NCDN: variants seen among roughly 807,000 people sequenced by gnomAD.
NCDN encodes the protein norbin.
NCDN carries 9 observed loss-of-function variants against 60.7 expected under a neutral mutation model. The observed-to-expected ratio is 0.15, with a 90% CI of 0.09 to 0.26. The LOEUF is 0.26. Among genes scored for constraint, NCDN ranks in the 10% least tolerant of loss-of-function variants. NCDN has a pLI of 1.00. For missense variants in NCDN, 578 were observed against 975.2 expected, an observed-to-expected ratio of 0.59 and a Z score of 5.42; for synonymous variants, 409 against 442.5, an observed-to-expected ratio of 0.92 and a Z score of 0.95.
chr1:35,558,461 C>A lies in NCDN; in HGVS notation c.33+238C>A. On this transcript the variant is annotated intron_variant, in intron 1 of 6. Coordinates refer to ENST00000373243, the MANE Select transcript of NCDN (RefSeq NM_014284.3). The surrounding 1 kb of genome is among the most constrained non-coding windows in gnomAD (Gnocchi z 6.3). ...GCTGCTGCTGCTGCTGCAGCCTCTA[C>A]CCGAGGGAGGGAAAGGAGAGGAGGC... is the stretch of plus-strand genomic sequence containing the variant. 2 of 1,426,200 alleles carry A rather than the reference C, an allele frequency of 1.4e-6. No homozygotes were observed. Among genetic ancestry groups the A allele is most frequent in the African/African-American group, 1.4e-5 (1 of 69,386 alleles). 88.3% of individuals were successfully genotyped at this position (1,426,200 alleles called of 1,614,324 possible).
Position 35,563,477 on chromosome 1 carries a change from C to T in NCDN, c.1610+51C>T. 1 of 1,575,596 alleles carries T rather than the reference C, an allele frequency of 6.3e-7. No homozygotes were observed. Among genetic ancestry groups the T allele is most frequent in the Non-Finnish European group, 8.7e-7 (1 of 1,150,798 alleles). ...AGGAGGCCGGAGGAGGCAAAGGAGG[C>T]TGCCCAGTTGCCTCAATTCTCAGTC... On this transcript the variant is annotated intron_variant, in intron 5 of 6. Coordinates refer to ENST00000373243, the MANE Select transcript of NCDN (RefSeq NM_014284.3). This position sits in a 1 kb window ranked among gnomAD's most constrained non-coding sequence, Gnocchi z 6.6.
chr1:35,559,284 C>G (rs1278242827), intron 2 of NCDN, 37 bp downstream of exon 2: 3 of 1,612,908 alleles, frequency 1.9e-6, no homozygotes, highest in Admixed American at 1.7e-5. Context: ...GTGGGAAGGG[C>G]TGGGTGGTTG....
At chr1:35,559,057 C>T in intron 1 of NCDN, 50 bp from the exon 2 acceptor site, 1 of 1,387,890 alleles carries the variant, frequency 7.2e-7, no homozygotes, top group Non-Finnish European at 9.9e-7. Context: ...CCCCACCCCA[C>T]CCCCGTCCCT....
In NCDN at chr1:35,560,590, G is replaced by A; in HGVS notation, c.439G>A (p.Ala147Thr). 6.2e-7 allele frequency: 1 copy of A among 1,613,208 alleles called. No individual in the cohort carries two copies. Among genetic ancestry groups the A allele is most frequent in the East Asian group, 2.2e-5 (1 of 44,878 alleles). ...LTARGDPDDA[A>T]RRSMIDDTYQ... ...AGCCCGGGGGGACCCGGACGATGCT[G>A]CCCGCCGCTCCATGATTGATGACAC... The change falls in exon 3 of 7, where the codon GCC becomes ACC. Residue 147 changes from alanine (A) to threonine (T), a missense_variant. Coordinates refer to ENST00000373243, the MANE Select transcript of NCDN (RefSeq NM_014284.3). This position sits in a 1 kb window ranked among gnomAD's most constrained non-coding sequence, Gnocchi z 7.6.
chr1:35,559,499 G>A (rs1648623808), intron 2 of NCDN, among the ~76,000 whole-genome samples: 1 of 152,190 alleles, frequency 6.6e-6, no homozygotes, highest in Non-Finnish European at 1.5e-5. Flanking sequence ...TCCCAGAGCA[G>A]ATGGAAGCTG....
Position 35,558,953 on chromosome 1 carries a change from G to A in NCDN, c.34-154G>A. On this transcript the variant is annotated intron_variant, in intron 1 of 6. Transcript: ENST00000373243. The surrounding 1 kb of genome is among the most constrained non-coding windows in gnomAD (Gnocchi z 6.3). Reference sequence around the variant, plus strand: ...GATCCAGCCCCTTAAAGGGGCTTCTGGGGGGAGGTCAGTCCTGAGGAGTCC... The same window carrying A: ...GATCCAGCCCCTTAAAGGGGCTTCTAGGGGGAGGTCAGTCCTGAGGAGTCC... 1 of 394,650 alleles carries A rather than the reference G, an allele frequency of 2.5e-6. No individual in the cohort carries two copies. The allele number at this position is 394,650 out of a possible 1,614,324, so 24.4% of individuals were successfully genotyped here. A position where few individuals can be genotyped will look rare whatever the true frequency, so the allele number is the denominator to read the frequency against.
chr1:35,560,990 C>T lies in NCDN; in HGVS notation c.839C>T (p.Pro280Leu). 1 of 1,612,820 alleles carries T rather than the reference C, an allele frequency of 6.2e-7. No individual in the cohort carries two copies. The highest frequency in any genetic ancestry group is 2.2e-5 in the East Asian group (1 of 44,844). Reference protein sequence around the residue: ...GSKLSSWQRNPALKLAARLAH... With the variant: ...GSKLSSWQRNLALKLAARLAH... Reference sequence around the variant, plus strand: ...AAGCTGAGCTCCTGGCAGCGCAACCCTGCACTGAAGCTGGCAGCCCGCCTG... The same window carrying T: ...AAGCTGAGCTCCTGGCAGCGCAACCTTGCACTGAAGCTGGCAGCCCGCCTG... Residue 280 changes from proline (P) to leucine (L), a missense_variant, in exon 3 of 7, where the codon CCT (proline) becomes CTT (leucine). By Grantham distance (98) the Pro-to-Leu change is moderately conservative. Transcript: ENST00000373243. This position sits in a 1 kb window ranked among gnomAD's most constrained non-coding sequence, Gnocchi z 7.6.
Position 35,563,153 on chromosome 1 carries a change from C to A in NCDN, c.1386-49C>A. On this transcript the variant is annotated intron_variant, in intron 4 of 6. Transcript: ENST00000373243. This position sits in a 1 kb window ranked among gnomAD's most constrained non-coding sequence, Gnocchi z 6.6. ...GTGCCCTAAAAAGGGAATCTATGTG[C>A]CTTCATCTCTCCCAATCCCACACAC... is the stretch of plus-strand genomic sequence containing the variant. The A allele has an allele frequency of 2.6e-6, 4 of 1,527,038 alleles. No homozygotes were observed. Among genetic ancestry groups the A allele is most frequent in the Non-Finnish European group, 1.8e-6 (2 of 1,123,426 alleles). 94.6% of individuals were successfully genotyped at this position (1,527,038 alleles called of 1,614,324 possible).
In NCDN at chr1:35,559,267, T is replaced by C; in HGVS notation, c.174+20T>C. 6.2e-7 allele frequency: 1 copy of C among 1,613,442 alleles called. No individual in the cohort carries two copies. The highest frequency in any genetic ancestry group is 8.5e-7 in the Non-Finnish European group (1 of 1,179,676). On this transcript the variant is annotated intron_variant, in intron 2 of 6. Transcript: ENST00000373243. ...CTGCTAGTAAGGAACTGGCTGAAAATTGGGAGGTGGGAAGGGCTGGGTGGT... is the reference window on the plus strand; with the variant it reads ...CTGCTAGTAAGGAACTGGCTGAAAACTGGGAGGTGGGAAGGGCTGGGTGGT...
Position 35,565,299 on chromosome 1 carries a change from C to T in NCDN, c.1826C>T (p.Ala609Val), listed in dbSNP as rs1012827506. ...AILFLSQSHV[A>V]RATPGSDQAV... The stretch of plus-strand genomic sequence containing the variant: ...CTCTTCCTATCACAGTCCCACGTGG[C>T]GCGGGCCACCCCGGGCTCAGACCAG... The change falls in exon 7 of 7, where the codon GCG becomes GTG. Residue 609 changes from alanine to valine, a missense_variant. By Grantham distance (64) the Ala-to-Val change is moderately conservative. This residue lies in a region of NCDN where 191 missense variants were observed against 372.1 expected (regional missense o/e 0.51). Transcript: ENST00000373243. This position sits in a 1 kb window ranked among gnomAD's most constrained non-coding sequence, Gnocchi z 8.9. The T allele has an allele frequency of 5.0e-6, 8 of 1,613,956 alleles. No individual in the cohort carries two copies. The highest frequency in any genetic ancestry group is 2.2e-5 in the East Asian group (1 of 44,890).
chr1:35,558,611 A>C lies in NCDN; in HGVS notation c.33+388A>C. ...TGAAGCGTATCTCTGCCTCTGAAGAAGGGAGGGGAAAGGAAGCCTGGGGTG... is the reference window on the plus strand; with the variant it reads ...TGAAGCGTATCTCTGCCTCTGAAGACGGGAGGGGAAAGGAAGCCTGGGGTG... On this transcript the variant is annotated intron_variant, in intron 1 of 6. Coordinates refer to ENST00000373243, the MANE Select transcript of NCDN (RefSeq NM_014284.3). This position sits in a 1 kb window ranked among gnomAD's most constrained non-coding sequence, Gnocchi z 6.3. 2 of 1,179,600 alleles carry C rather than the reference A, an allele frequency of 1.7e-6. No individual in the cohort carries two copies. The highest frequency in any genetic ancestry group is 2.5e-5 in the South Asian group (1 of 39,260). The allele number at this position is 1,179,600 out of a possible 1,614,324, so 73.1% of individuals were successfully genotyped here. A position where few individuals can be genotyped will look rare whatever the true frequency, so the allele number is the denominator to read the frequency against.
At position 35,563,451 on chromosome 1, in the gene NCDN, G is replaced by A. The variant is rs2517383; in HGVS notation, c.1610+25G>A. The A allele has an allele frequency of 6.2e-7, 1 of 1,601,138 alleles. No homozygotes were observed. The highest frequency in any genetic ancestry group is 1.3e-5 in the African/African-American group (1 of 74,830). ...AGTGAGGGGCTCGGGAGAGGTGGGG[G>A]AGGAGGCCGGAGGAGGCAAAGGAGG... is the stretch of plus-strand genomic sequence containing the variant. On this transcript the variant is annotated intron_variant, in intron 5 of 6. Coordinates refer to ENST00000373243, the MANE Select transcript of NCDN (RefSeq NM_014284.3). This position sits in a 1 kb window ranked among gnomAD's most constrained non-coding sequence, Gnocchi z 6.6.
Position 35,562,333 on chromosome 1 carries a change from T to C in NCDN, c.1144-59T>C. 6.3e-7 allele frequency: 1 copy of C among 1,580,542 alleles called. No homozygotes were observed. On this transcript the variant is annotated intron_variant, in intron 3 of 6. Transcript: ENST00000373243. This position sits in a 1 kb window ranked among gnomAD's most constrained non-coding sequence, Gnocchi z 6.8. ...GTATTATTTCTAGCTGGCTGGCCTC[T>C]GGCAAGGCAGGGAGGGTCCCTGGTC...
Position 35,565,379 on chromosome 1 carries a change from C to A in NCDN, c.1906C>A (p.Leu636Ile). 6.2e-7 allele frequency: 1 copy of A among 1,613,148 alleles called. No individual in the cohort carries two copies. The highest frequency in any genetic ancestry group is 8.5e-7 in the Non-Finnish European group (1 of 1,179,354). Residue 636 changes from leucine to isoleucine, a missense_variant, in exon 7 of 7, where the codon CTC (leucine) becomes ATC (isoleucine). Around this residue, in one of 3 missense-constraint regions of NCDN, gnomAD observed 191 missense variants for 372.1 expected, o/e 0.51. Transcript: ENST00000373243. This position sits in a 1 kb window ranked among gnomAD's most constrained non-coding sequence, Gnocchi z 8.9. ...YEGIWADLQE[L>I]WFLGMQAFTG... The stretch of plus-strand genomic sequence containing the variant: ...GGGCATCTGGGCCGACCTGCAGGAG[C>A]TCTGGTTCCTGGGCATGCAGGCCTT...
Position 35,563,193 on chromosome 1 carries a change from C to T in NCDN, c.1386-9C>T, listed in dbSNP as rs1181609677. The T allele has an allele frequency of 8.7e-6, 14 of 1,608,954 alleles. No individual in the cohort carries two copies. Among genetic ancestry groups the T allele is most frequent in the Non-Finnish European group, 1.1e-5 (13 of 1,176,326 alleles). On this transcript the variant is annotated splice_polypyrimidine_tract_variant and intron_variant, in intron 4 of 6. Coordinates refer to ENST00000373243, the MANE Select transcript of NCDN (RefSeq NM_014284.3). This position sits in a 1 kb window ranked among gnomAD's most constrained non-coding sequence, Gnocchi z 6.6. ...ATCCCACACACGTCTGTCCCTTCCA[C>T]ATCCCCAGGCTCCTCCTGCCTGGCT...
In NCDN at chr1:35,561,368, G is replaced by A. The variant is rs1414769040; in HGVS notation, c.1143+74G>A. 5 of 1,499,142 alleles carry A rather than the reference G, an allele frequency of 3.3e-6. No homozygotes were observed. The highest frequency in any genetic ancestry group is 2.2e-5 in the Admixed American group (1 of 44,522). The allele number at this position is 1,499,142 out of a possible 1,614,324, so 92.9% of individuals were successfully genotyped here. A position where few individuals can be genotyped will look rare whatever the true frequency, so the allele number is the denominator to read the frequency against. ...TGCTGGAGCTGGGAGGCAAGGGGGA[G>A]GAGAATAATGGGGAGACAGCGAAGC... On this transcript the variant is annotated intron_variant, in intron 3 of 6. Transcript: ENST00000373243. The surrounding 1 kb of genome is among the most constrained non-coding windows in gnomAD (Gnocchi z 4.9).
Position 35,563,475 on chromosome 1 carries a change from G to A in NCDN, c.1610+49G>A, listed in dbSNP as rs761168039. The stretch of plus-strand genomic sequence containing the variant: ...GGAGGAGGCCGGAGGAGGCAAAGGA[G>A]GCTGCCCAGTTGCCTCAATTCTCAG... On this transcript the variant is annotated intron_variant, in intron 5 of 6. Coordinates refer to ENST00000373243, the MANE Select transcript of NCDN (RefSeq NM_014284.3). The surrounding 1 kb of genome is among the most constrained non-coding windows in gnomAD (Gnocchi z 6.6). The A allele has an allele frequency of 6.3e-7, 1 of 1,584,724 alleles. No individual in the cohort carries two copies. The highest frequency in any genetic ancestry group is 1.7e-5 in the Admixed American group (1 of 59,352).
Position 35,562,308 on chromosome 1 carries a change from G to A in NCDN, c.1144-84G>A. 3 of 1,548,832 alleles carry A rather than the reference G, an allele frequency of 1.9e-6. No homozygotes were observed. The highest frequency in any genetic ancestry group is 2.6e-6 in the Non-Finnish European group (3 of 1,144,538). Reference sequence around the variant, plus strand: ...CACAGGCCAGAATTTCCTTCTAGTTGTATTATTTCTAGCTGGCTGGCCTCT... The same window carrying A: ...CACAGGCCAGAATTTCCTTCTAGTTATATTATTTCTAGCTGGCTGGCCTCT... On this transcript the variant is annotated intron_variant, in intron 3 of 6. Coordinates refer to ENST00000373243, the MANE Select transcript of NCDN (RefSeq NM_014284.3). The surrounding 1 kb of genome is among the most constrained non-coding windows in gnomAD (Gnocchi z 6.8).
At position 35,565,052 on chromosome 1, in the gene NCDN, A is replaced by G; in HGVS notation, c.1754-175A>G. 1 of 605,222 alleles carries G rather than the reference A, an allele frequency of 1.7e-6. No individual in the cohort carries two copies. 37.5% of individuals were successfully genotyped at this position (605,222 alleles called of 1,614,324 possible). The stretch of plus-strand genomic sequence containing the variant: ...TTACAAGTAAAGAAACAGACCCAGA[A>G]AAGTTAATTACCCAAGGTCACACAG... On this transcript the variant is annotated intron_variant, in intron 6 of 6. Coordinates refer to ENST00000373243, the MANE Select transcript of NCDN (RefSeq NM_014284.3). The surrounding 1 kb of genome is among the most constrained non-coding windows in gnomAD (Gnocchi z 8.9).
Sources: gnomAD v4.1 joint callset for allele counts (sites outside exome capture counted in the v4.1 genomes callset) on GRCh38, gnomAD v4.1.1 for gene constraint, gnomAD v4.1.1 regional missense constraint, Gnocchi (gnomAD v3.1) non-coding constraint, MANE v1.5 for transcripts, NCBI Gene and HGNC (gene_info 2026-07-23, HGNC 2026-07-21) for gene names.